Variants in EPS15 observed in about 807,000 individuals in gnomAD.
EPS15 encodes the protein epidermal growth factor receptor substrate 15.
A neutral mutation model predicts 113.8 loss-of-function variants in EPS15; 72 were observed. That is an observed-to-expected ratio of 0.63 (90% CI 0.52 to 0.77). The LOEUF is 0.77. Among genes scored for constraint, EPS15 ranks in the 30% least tolerant of loss-of-function variants. The pLI is 0.00. For synonymous variants in EPS15, 344 were observed against 363.4 expected, an observed-to-expected ratio of 0.95 and a Z score of 0.61; for missense variants, 1,048 against 1,045.8, an observed-to-expected ratio of 1.00 and a Z score of -0.03.
At chr1:51,365,114 G>T (rs1490048452) in intron 22 of EPS15, among the ~76,000 whole-genome samples, 7 of 152,218 alleles carry the variant, frequency 4.6e-5, no homozygotes, top group Non-Finnish European at 8.8e-5. Context: ...TAACAGGCAT[G>T]AGCCACCGCG....
intron 21 of EPS15, among the ~76,000 whole-genome samples, chr1:51,393,725 T>G (rs1050001121): frequency 6.6e-6 from 1 of 152,202 alleles, no homozygotes; most frequent in Non-Finnish European, 1.5e-5. Context: ...TGTTTTGTTT[T>G]AAATGAACAG....
chr1:51,423,075 T>C (rs780831817), intron 12 of EPS15: 3 of 475,690 alleles, frequency 6.3e-6, no homozygotes, highest in Admixed American at 3.8e-5. Flanking sequence ...AGATTTTAAA[T>C]GTAGACAAAA....
intron 23 of EPS15, among the ~76,000 whole-genome samples, chr1:51,363,403 T>A (rs1646434393): frequency 6.6e-6 from 1 of 151,990 alleles, no homozygotes; most frequent in African/African-American, 2.4e-5. Context: ...GAATTCTGGA[T>A]ACTAAAGAGG....
intron 2 of EPS15, among the ~76,000 whole-genome samples, chr1:51,477,505 G>A (rs933447813): frequency 6.6e-6 from 1 of 152,098 alleles, no homozygotes; most frequent in African/African-American, 2.4e-5. Flanking sequence ...GCTTTTGAAT[G>A]TGCTGGCTCT....
intron 1 of EPS15, 54 bp downstream of exon 1, chr1:51,519,145 G>T: frequency 7.6e-7 from 1 of 1,321,020 alleles, no homozygotes. Flanking sequence ...GCTGAGGGCG[G>T]TGGGGGAGGG....
intron 1 of EPS15, among the ~76,000 whole-genome samples, chr1:51,500,342 C>T (rs918859212): frequency 3.3e-5 from 5 of 152,208 alleles, no homozygotes; most frequent in Middle Eastern, 3.4e-3. Context: ...GGTGATTATG[C>T]GGTAATTCAA....
In EPS15 at chr1:51,415,336, CT is replaced by C. The variant is rs758816538; in HGVS notation, c.1114-5641del. ...CTCACTGCCCTTTTTCATTTCTTAG[CT>C]TCAGTAAAAATCCACATAGTAATAC... On this transcript the variant is annotated intron_variant, in intron 13 of 24. Transcript: ENST00000371733. Among the ~76,000 whole-genome samples, 10 of 152,218 alleles carry C rather than the reference CT, an allele frequency of 6.6e-5. No homozygotes were observed. The South Asian group carries it at 8.3e-4, about 13-fold the overall frequency.
intron 8 of EPS15, 55 bp downstream of exon 8, chr1:51,461,036 G>A: frequency 1.8e-6 from 2 of 1,141,822 alleles, no homozygotes; most frequent in Non-Finnish European, 2.6e-6. Context: ...GAGGAAATTT[G>A]CACATGAGAA....
rs770490796 is a variant in EPS15 at position 51,508,238 on chromosome 1, G to GAAAAGAAAAGAAAAGAAAAGAAAAGA, written c.33+10960_33+10961insTCTTTTCTTTTCTTTTCTTTTCTTTT. Among the ~76,000 whole-genome samples the GAAAAGAAAAGAAAAGAAAAGAAAAGA allele has an allele frequency of 2.2e-3, 142 of 64,598 alleles. 1 individual carries two copies. Among genetic ancestry groups the GAAAAGAAAAGAAAAGAAAAGAAAAGA allele is most frequent in the Non-Finnish European group, 3.5e-3 (95 of 27,422 alleles). The allele number at this position is 64,598 out of a possible 152,430, so 42.4% of individuals were successfully genotyped here. ...GAAAAGAAAAGAAAAGAAAAGAAAA[G>GAAAAGAAAAGAAAAGAAAAGAAAAGA]AAAGAGAGAAAGAGAGAGAGAGAGA... On this transcript the variant is annotated intron_variant, in intron 1 of 24. Transcript: ENST00000371733.
At chr1:51,403,395 T>G in intron 17 of EPS15, 24 bp downstream of exon 17, 1 of 1,321,622 alleles carries the variant, frequency 7.6e-7, no homozygotes, top group South Asian at 1.2e-5. Flanking sequence ...AAGTCCCCAA[T>G]GTAAATATAA....
intron 15 of EPS15, among the ~76,000 whole-genome samples, chr1:51,406,953 C>T (rs903017642): frequency 1.1e-4 from 17 of 151,996 alleles, no homozygotes; most frequent in Admixed American, 6.6e-4. Context: ...TCTTGCATGA[C>T]GAATGAGTAG....
Position 51,355,539 on chromosome 1 carries a change from A to G in EPS15, c.*1161T>C, listed in dbSNP as rs998910376. 1.6e-5 allele frequency: 3 copies of G among 192,362 alleles called. No individual in the cohort carries two copies. The East Asian group carries it at 2.5e-4, about 16-fold the overall frequency. 11.9% of individuals were successfully genotyped at this position (192,362 alleles called of 1,614,324 possible). ...AATCTGGCAGGTCTCTTCTCTCCCAATTAAAAAAACAAGAGTTTTTTTGCT... is the reference window on the plus strand; with the variant it reads ...AATCTGGCAGGTCTCTTCTCTCCCAGTTAAAAAAACAAGAGTTTTTTTGCT... On this transcript the variant is annotated 3_prime_UTR_variant, in exon 25 of 25. Transcript: ENST00000371733.
At chr1:51,390,708 G>C (rs1647272026) in intron 21 of EPS15, among the ~76,000 whole-genome samples, 1 of 152,052 alleles carries the variant, frequency 6.6e-6, no homozygotes, top group African/African-American at 2.4e-5. Flanking sequence ...ACAGACACGT[G>C]AAAAAATGCT....
At chr1:51,431,029 A>ACACACACACAC (rs1557462703) in intron 12 of EPS15, among the ~76,000 whole-genome samples, 2 of 107,568 alleles carry the variant, frequency 1.9e-5, no homozygotes, top group African/African-American at 4.5e-5. Flanking sequence ...CACACACACA[A>ACACACACACAC]AAATAAAACT....
chr1:51,486,939 G>A (rs1177431536), intron 1 of EPS15, among the ~76,000 whole-genome samples: 2 of 151,776 alleles, frequency 1.3e-5, no homozygotes, highest in Admixed American at 1.3e-4. Flanking sequence ...GAAAATGCTG[G>A]GATTACAGGC....
chr1:51,408,051 GA>G, intron 15 of EPS15, 83 bp downstream of exon 15: 1 of 1,182,592 alleles, frequency 8.5e-7, no homozygotes, highest in African/African-American at 1.5e-5. Flanking sequence ...GCAAGAGGTT[GA>G]AGGAGCAGAA....
chr1:51,444,006 T>C (rs1652815383), intron 11 of EPS15, among the ~76,000 whole-genome samples: 1 of 152,102 alleles, frequency 6.6e-6, no homozygotes, highest in African/African-American at 2.4e-5. Context: ...TGTGACAAAA[T>C]TAATGCAAAA....
chr1:51,478,197 A>C (rs1394170386), intron 2 of EPS15, among the ~76,000 whole-genome samples: 1 of 151,914 alleles, frequency 6.6e-6, no homozygotes, highest in Non-Finnish European at 1.5e-5. Flanking sequence ...TGATCCCTTT[A>C]CCATTATGTA....
At chr1:51,363,766 T>G in intron 23 of EPS15, 100 bp downstream of exon 23, 1 of 1,091,730 alleles carries the variant, frequency 9.2e-7, no homozygotes, top group South Asian at 2.1e-5. Flanking sequence ...ATGTTTGACT[T>G]GTTTCACTTA....
Sources: gnomAD v4.1 joint callset for allele counts (sites outside exome capture counted in the v4.1 genomes callset) on GRCh38, gnomAD v4.1.1 for gene constraint, MANE v1.5 for transcripts, NCBI Gene and HGNC (gene_info 2026-07-23, HGNC 2026-07-21) for gene names.